DNAAF4: variants seen among roughly 807,000 people sequenced by gnomAD.
The protein encoded by DNAAF4 is dynein axonemal assembly factor 4, also known as dynein assembly factor 4, axonemal.
In DNAAF4, 43 loss-of-function variants were observed where a neutral mutation model predicts 51.8. The ratio of observed to expected loss-of-function variants is 0.83; its 90% CI spans 0.65 to 1.07. The LOEUF is 1.07. Among genes scored for constraint, DNAAF4 ranks in the 50% least tolerant of loss-of-function variants. The pLI, the probability that DNAAF4 is intolerant of heterozygous loss-of-function variation, is 0.00. For synonymous variants in DNAAF4, 194 were observed against 165.6 expected, an observed-to-expected ratio of 1.17 and a Z score of -1.32; for missense variants, 581 against 493.0, an observed-to-expected ratio of 1.18 and a Z score of -1.69.
At position 55,452,523 on chromosome 15, in the gene DNAAF4, C is replaced by G. The variant is rs374296713; in HGVS notation, c.638-2156G>C. Among the ~76,000 whole-genome samples the G allele has an allele frequency of 2.0e-5, 3 of 152,116 alleles. No homozygotes were observed. The East Asian group carries it at 5.8e-4, about 29-fold the overall frequency. On this transcript the variant is annotated intron_variant, in intron 5 of 9. Coordinates refer to ENST00000321149, the MANE Select transcript of DNAAF4 (RefSeq NM_130810.4). ...ATATATAATTTCCAAACTCATATATCTAATTTACAAACTCTTCTATTTTCC... is the reference window on the plus strand; with the variant it reads ...ATATATAATTTCCAAACTCATATATGTAATTTACAAACTCTTCTATTTTCC...
downstream of DNAAF4, among the ~76,000 whole-genome samples, chr15:55,428,192 G>A (rs1262451244): frequency 6.6e-6 from 1 of 151,900 alleles, no homozygotes; most frequent in African/African-American, 2.4e-5. Context: ...GACCTCAAGT[G>A]ACCCACCTGC....
In DNAAF4 at chr15:55,473,369, G is replaced by GTATATA. The variant is rs372477096; in HGVS notation, c.406-6214_406-6209dup. Among the ~76,000 whole-genome samples, 719 of 130,896 alleles carry GTATATA rather than the reference G, an allele frequency of 5.5e-3. 21 individuals are homozygous for GTATATA. Among genetic ancestry groups the GTATATA allele is most frequent in the African/African-American group, 0.018 (575 of 32,834 alleles). 85.9% of individuals were successfully genotyped at this position (130,896 alleles called of 152,430 possible). A position where few individuals can be genotyped will look rare whatever the true frequency, so the allele number is the denominator to read the frequency against. ...TATGTGTGTATATATATGTGTGTGTGTATATATATATATATGCAAACTTAA... is the reference window on the plus strand; with the variant it reads ...TATGTGTGTATATATATGTGTGTGTGTATATATATATATATATATATGCAAACTTAA... On this transcript the variant is annotated intron_variant, in intron 4 of 9. Coordinates refer to ENST00000321149, the MANE Select transcript of DNAAF4 (RefSeq NM_130810.4).
At chr15:55,498,113 G>A (rs544330870) in intron 2 of DNAAF4, 94 bp downstream of exon 2, 3 of 1,585,506 alleles carry the variant, frequency 1.9e-6, no homozygotes, top group African/African-American at 2.7e-5. Context: ...ACGTTTATCG[G>A]CAAAGATGAG....
chr15:55,499,348 C>T (rs534123357), intron 1 of DNAAF4, among the ~76,000 whole-genome samples: 1 of 152,288 alleles, frequency 6.6e-6, no homozygotes, highest in East Asian at 1.9e-4. Context: ...GCTGTATCAA[C>T]CAATCAGAAC....
intron 6 of DNAAF4, among the ~76,000 whole-genome samples, chr15:55,446,612 C>A (rs1446430497): frequency 4.5e-5 from 6 of 133,296 alleles, no homozygotes; most frequent in Non-Finnish European, 9.4e-5. Flanking sequence ...CCAGACAGGG[C>A]GGCCGAGCAG....
downstream of DNAAF4, among the ~76,000 whole-genome samples, chr15:55,428,338 A>G (rs1295990087): frequency 2.0e-5 from 3 of 152,070 alleles, no homozygotes; most frequent in African/African-American, 7.2e-5. Flanking sequence ...CGGCTTTGGG[A>G]AAGGACTGTC....
chr15:55,455,819 G>GACC (rs1595913938), intron 5 of DNAAF4, among the ~76,000 whole-genome samples: 1 of 152,046 alleles, frequency 6.6e-6, no homozygotes, highest in African/African-American at 2.4e-5. Flanking sequence ...TTCAGATGCA[G>GACC]ACCAGATCTG....
chr15:55,433,037 C>T (rs552310052), intron 8 of DNAAF4, among the ~76,000 whole-genome samples: 10 of 152,160 alleles, frequency 6.6e-5, no homozygotes, highest in Admixed American at 1.3e-4. Context: ...TGGTGGCTCA[C>T]GCCTGTAATT....
intron 7 of DNAAF4, among the ~76,000 whole-genome samples, chr15:55,435,838 G>C (rs1460284667): frequency 6.6e-6 from 1 of 152,108 alleles, no homozygotes; most frequent in Non-Finnish European, 1.5e-5. Flanking sequence ...GCCCAGGCTG[G>C]AGTGCAATGG....
intron 1 of DNAAF4, among the ~76,000 whole-genome samples, chr15:55,503,704 G>A (rs893415380): frequency 2.6e-5 from 4 of 152,082 alleles, no homozygotes; most frequent in Non-Finnish European, 4.4e-5. Context: ...TGCAGAAAAG[G>A]CTTTTGACAA....
At chr15:55,448,052 A>G (rs925353409) in intron 6 of DNAAF4, among the ~76,000 whole-genome samples, 8 of 152,160 alleles carry the variant, frequency 5.3e-5, no homozygotes, top group African/African-American at 1.9e-4. Context: ...TGGGTTTGTC[A>G]TAAATAGCTC....
chr15:55,499,941 T>G (rs1442478341), intron 1 of DNAAF4, among the ~76,000 whole-genome samples: 1 of 152,232 alleles, frequency 6.6e-6, no homozygotes, highest in East Asian at 1.9e-4. Context: ...GGCTGCTTTC[T>G]GCACACCCAG....
At chr15:55,459,596 A>G (rs2058065424) in intron 5 of DNAAF4, among the ~76,000 whole-genome samples, 1 of 152,242 alleles carries the variant, frequency 6.6e-6, no homozygotes, top group Admixed American at 6.5e-5. Flanking sequence ...TAAGTCTTTT[A>G]ACAGACTTGC....
intron 5 of DNAAF4, among the ~76,000 whole-genome samples, chr15:55,459,195 C>CT (rs1458117265): frequency 6.6e-6 from 1 of 152,028 alleles, no homozygotes; most frequent in African/African-American, 2.4e-5. Context: ...GATGGGGGTC[C>CT]TATCTTTAGC....
At chr15:55,427,447 T>C (rs2057441698), downstream of DNAAF4, among the ~76,000 whole-genome samples, 1 of 151,976 alleles carries the variant, frequency 6.6e-6, no homozygotes, top group Admixed American at 6.6e-5. Context: ...AGAGATGAAA[T>C]TAAAGATTGG....
At chr15:55,458,928 C>T (rs1466931000) in intron 5 of DNAAF4, among the ~76,000 whole-genome samples, 1 of 151,870 alleles carries the variant, frequency 6.6e-6, no homozygotes, top group East Asian at 1.9e-4. Context: ...ATACAAAAAT[C>T]AGCCAGGCGT....
intron 5 of DNAAF4, among the ~76,000 whole-genome samples, chr15:55,464,641 A>G (rs2058141750): frequency 6.6e-6 from 1 of 152,168 alleles, no homozygotes; most frequent in South Asian, 2.1e-4. Flanking sequence ...AAAGTGGGCT[A>G]AGGACATGAA....
chr15:55,440,497 G>C (rs577081330), intron 6 of DNAAF4, among the ~76,000 whole-genome samples: 2 of 152,112 alleles, frequency 1.3e-5, no homozygotes, highest in East Asian at 1.9e-4. Flanking sequence ...TCCTGCCTCA[G>C]CCTCCCAAGT....
intron 4 of DNAAF4, among the ~76,000 whole-genome samples, chr15:55,475,497 T>C (rs2058324165): frequency 6.6e-6 from 1 of 152,160 alleles, no homozygotes; most frequent in South Asian, 2.1e-4. Context: ...GAATATCCCT[T>C]GTCCAAAATG....
Sources: allele counts gnomAD v4.1 joint callset (sites outside exome capture counted in the v4.1 genomes callset), GRCh38; gene constraint gnomAD v4.1.1; transcripts MANE v1.5; gene names NCBI Gene and HGNC (gene_info 2026-07-23, HGNC 2026-07-21).